NEB: variants seen among roughly 807,000 people sequenced by gnomAD.
NEB encodes the protein nemaline myopathy type 2.
In NEB, 512 loss-of-function variants were observed where a neutral mutation model predicts 952.2. The observed-to-expected ratio is 0.54, with a 90% CI of 0.50 to 0.58. NEB has a LOEUF of 0.58. NEB is among the 20% of genes least tolerant of loss of function. NEB has a pLI of 0.00. For missense variants in NEB, 8,428 were observed against 9,231.1 expected, an observed-to-expected ratio of 0.91 and a Z score of 3.56; for synonymous variants, 2,900 against 3,149.8, an observed-to-expected ratio of 0.92 and a Z score of 2.66.
At chr2:151,577,713 G>C (rs2096927311) in intron 105 of NEB, among the ~76,000 whole-genome samples, 1 of 152,010 alleles carries the variant, frequency 6.6e-6, no homozygotes, top group Non-Finnish European at 1.5e-5. Context: ...TGTGTAGCTG[G>C]GATTACAGGC....
chr2:151,579,066 G>C (rs1486509959), intron 105 of NEB, among the ~76,000 whole-genome samples: 6 of 106,148 alleles, frequency 5.7e-5, no homozygotes, highest in Admixed American at 3.0e-4. Context: ...GGGTGACAGA[G>C]CAAGACTCCA....
intron 20 of NEB, among the ~76,000 whole-genome samples, chr2:151,693,658 A>G (rs1220565024): frequency 6.6e-6 from 1 of 152,010 alleles, no homozygotes; most frequent in Non-Finnish European, 1.5e-5. Flanking sequence ...TCTTTATACA[A>G]TCTATCGTTG....
rs1577841015 is a variant in NEB at position 151,723,571 on chromosome 2, C to T, written c.613-85G>A. 5.1e-6 allele frequency: 5 copies of T among 978,386 alleles called. No individual in the cohort carries two copies. In the South Asian group the frequency reaches 7.2e-5, roughly 14 times the overall value. 60.6% of individuals were successfully genotyped at this position (978,386 alleles called of 1,614,324 possible). ...TAGTTTTGAATTCATCCATTAATAACCTAAAGAACCAAGGGCCAGGTGAGA... is the reference window on the plus strand; with the variant it reads ...TAGTTTTGAATTCATCCATTAATAATCTAAAGAACCAAGGGCCAGGTGAGA... On this transcript the variant is annotated intron_variant, in intron 8 of 181. Transcript: ENST00000397345.
At chr2:151,634,014 C>G in intron 64 of NEB, 49 bp from the exon 65 acceptor site, 1 of 1,563,134 alleles carries the variant, frequency 6.4e-7, no homozygotes, top group Non-Finnish European at 8.7e-7. Flanking sequence ...CCCTTAGAGG[C>G]CACAAGTCTG....
chr2:151,670,197 A>G (rs372668101), intron 38 of NEB, among the ~76,000 whole-genome samples: 147 of 152,332 alleles, frequency 9.6e-4, no homozygotes, highest in African/African-American at 3.3e-3. Context: ...ACCCTTAGAC[A>G]TCTGTGATAA....
intron 161 of NEB, 116 bp downstream of exon 161, chr2:151,512,617 C>T: frequency 1.2e-6 from 1 of 822,428 alleles, no homozygotes. Context: ...CCTGGTGAAT[C>T]TCTTTTTTAT....
intron 42 of NEB, 52 bp from the exon 43 acceptor site, chr2:151,664,915 A>C (rs1246418128): frequency 1.5e-6 from 2 of 1,309,042 alleles, no homozygotes; most frequent in Non-Finnish European, 2.2e-6. Context: ...AGTTTGACCC[A>C]ATGCTAGCAA....
At chr2:151,541,730 CT>C (rs1293075882) in intron 135 of NEB, among the ~76,000 whole-genome samples, 179 bp from the exon 136 acceptor site, 2 of 152,080 alleles carry the variant, frequency 1.3e-5, no homozygotes, top group East Asian at 3.9e-4. Context: ...TCTTTTTTCC[CT>C]TGTGTCAAAA....
chr2:151,609,949 T>G lies in NEB; in HGVS notation c.12190A>C (p.Met4064Leu), dbSNP rs778633575. The G allele has an allele frequency of 2.5e-6, 4 of 1,613,940 alleles. No individual in the cohort carries two copies. The highest frequency in any genetic ancestry group is 3.4e-6 in the Non-Finnish European group (4 of 1,179,850). Residue 4064 changes from methionine to leucine, a missense_variant, in exon 81 of 182, where the codon ATG becomes CTG. Physicochemically the swap from Met to Leu is conservative, Grantham distance 15. Coordinates refer to ENST00000397345, the MANE Select transcript of NEB (RefSeq NM_001164508.2). ...WKTKFSSPVD[M>L]LSILLAKKCQ... is the part of the protein sequence containing the mutation. The stretch of plus-strand genomic sequence containing the variant: ...TTCTTGGCCAGCAAGATGCTTAACA[T>G]GTCCACTGGGCTAGAGAACTTGGTT...
intron 124 of NEB, among the ~76,000 whole-genome samples, chr2:151,555,631 G>T (rs940087259): frequency 1.3e-5 from 2 of 152,074 alleles, no homozygotes; most frequent in African/African-American, 4.8e-5. Flanking sequence ...TTAAGACAGA[G>T]ACTAAGATCC....
chr2:151,612,860 G>A (rs1210968468), intron 77 of NEB, among the ~76,000 whole-genome samples: 3 of 152,160 alleles, frequency 2.0e-5, no homozygotes, highest in African/African-American at 4.8e-5. Flanking sequence ...TAAAAACGAC[G>A]TCTTTTTCGT....
At chr2:151,551,700 G>T in intron 129 of NEB, 38 bp downstream of exon 129, 1 of 1,505,698 alleles carries the variant, frequency 6.6e-7, no homozygotes, top group Non-Finnish European at 9.2e-7. Flanking sequence ...CTGATGGAAC[G>T]GATTTCTGCT....
At chr2:151,727,051 C>T (rs990733840) in intron 5 of NEB, among the ~76,000 whole-genome samples, 10 of 135,184 alleles carry the variant, frequency 7.4e-5, no homozygotes, top group African/African-American at 1.9e-4. Flanking sequence ...GATTCTGTTT[C>T]TTAAAAAAAA....
At chr2:151,720,408 T>C (rs1384497896) in intron 9 of NEB, among the ~76,000 whole-genome samples, 3 of 152,206 alleles carry the variant, frequency 2.0e-5, no homozygotes, top group Admixed American at 6.5e-5. Flanking sequence ...ACAGTATTAA[T>C]AGGCATGTCA....
chr2:151,486,305 C>G, intron 181 of NEB: 1 of 188,852 alleles, frequency 5.3e-6, no homozygotes, highest in Non-Finnish European at 1.1e-5. Flanking sequence ...ATGAGATACC[C>G]CTTCACACAT....
chr2:151,621,015 A>G lies in NEB; in HGVS notation c.10464T>C (p.Arg3488=), dbSNP rs776681612. 4 of 1,608,422 alleles carry G rather than the reference A, an allele frequency of 2.5e-6. No individual in the cohort carries two copies. Among genetic ancestry groups the G allele is most frequent in the Admixed American group, 3.4e-5 (2 of 59,358 alleles). The stretch of plus-strand genomic sequence containing the variant: ...CTTTCTTGGCTTCTTCCATGGCCTG[A>G]CGATAGAGGCTCTGAGGAAAGAAGG... ...NKINYSESLY[R]QAMEEAKKEG... The change falls in exon 72 of 182, where the codon CGT becomes CGC. Residue 3488 remains arginine, a synonymous_variant. Coordinates refer to ENST00000397345, the MANE Select transcript of NEB (RefSeq NM_001164508.2).
intron 135 of NEB, among the ~76,000 whole-genome samples, chr2:151,542,989 A>C (rs2094262759): frequency 6.6e-6 from 1 of 152,172 alleles, no homozygotes; most frequent in South Asian, 2.1e-4. Flanking sequence ...GCTTTCACAG[A>C]CTGTCTTTCC....
intron 179 of NEB, 104 bp downstream of exon 179, chr2:151,491,579 G>A: frequency 1.0e-6 from 1 of 961,730 alleles, no homozygotes. Flanking sequence ...CTCAGAAAAT[G>A]GAAAACTCTG....
rs773813211 is a variant in NEB, at chr2:151,727,833, G to A, written c.152C>T (p.Ala51Val). 1.1e-5 allele frequency: 18 copies of A among 1,613,690 alleles called. No individual in the cohort carries two copies. The highest frequency in any genetic ancestry group is 1.5e-5 in the Non-Finnish European group (18 of 1,179,778). ...DYEQSETSKP[A>V]LAQPALAQPA... ...CTGTGCCAGTGCTGGCTGTGCCAGA[G>A]CTGGTTTGGAAGTTTCTGATTGCTC... Residue 51 changes from alanine (A) to valine (V), a missense_variant, in exon 5 of 182, where the codon GCT becomes GTT. Coordinates refer to ENST00000397345, the MANE Select transcript of NEB (RefSeq NM_001164508.2).
Sources: gnomAD v4.1 joint callset for allele counts (sites outside exome capture counted in the v4.1 genomes callset) on GRCh38, gnomAD v4.1.1 for gene constraint, MANE v1.5 for transcripts, NCBI Gene and HGNC (gene_info 2026-07-23, HGNC 2026-07-21) for gene names.